The following OTC variants were observed in gnomAD, a reference collection of about 807,000 sequenced individuals.
OTC encodes ornithine transcarbamylase.
In OTC, 3 loss-of-function variants were observed where a neutral mutation model predicts 30.3. The ratio of observed to expected loss-of-function variants is 0.10; its 90% CI spans 0.05 to 0.26. The LOEUF (loss-of-function observed/expected upper bound fraction) is 0.26. Ranked by LOEUF, OTC falls within the 10% of genes least tolerant of loss-of-function variation. The probability of loss-of-function intolerance (pLI) is 1.00; values close to 1 mark genes in which losing one functional copy is unlikely to be tolerated. For missense variants in OTC, 194 were observed against 260.3 expected, an observed-to-expected ratio of 0.75 and a Z score of 1.75; for synonymous variants, 111 against 99.7, an observed-to-expected ratio of 1.11 and a Z score of -0.67.
chrX:38,372,561 C>T (rs1220485009), intron 3 of OTC, among the ~76,000 whole-genome samples: 1 of 111,831 alleles, frequency 8.9e-6, no homozygotes, highest in African/African-American at 3.3e-5. Flanking sequence ...GAAACCTGCC[C>T]CAAATCGTAA....
At chrX:38,328,255 T>G in the OTC span, among the ~76,000 whole-genome samples, 1 of 112,473 alleles carries the variant, frequency 8.9e-6, no homozygotes, top group African/African-American at 3.2e-5. Context: ...GTTGTGGACA[T>G]GGGCCCTAGA....
At chrX:38,341,471 G>A in the OTC span, among the ~76,000 whole-genome samples, 1 of 111,851 alleles carries the variant, frequency 8.9e-6, no homozygotes, top group South Asian at 3.7e-4. Flanking sequence ...GTGATTGGGG[G>A]AACCTACTTT....
At chrX:38,390,728 A>G (rs1425604741) in intron 4 of OTC, among the ~76,000 whole-genome samples, 2 of 112,123 alleles carry the variant, frequency 1.8e-5, no homozygotes, top group African/African-American at 6.5e-5. Context: ...TCCTTTTAAG[A>G]GCACCAGGAT....
At chrX:38,328,630 T>G in the OTC span, among the ~76,000 whole-genome samples, 1 of 111,848 alleles carries the variant, frequency 8.9e-6, no homozygotes. Flanking sequence ...TGGCAAGGTC[T>G]TGGGCCTATT....
chrX:38,328,599 C>T, the OTC span, among the ~76,000 whole-genome samples: 1 of 111,588 alleles, frequency 9.0e-6, no homozygotes, highest in South Asian at 3.7e-4. Context: ...CACCAAGAGG[C>T]GAGGCTGGTT....
In OTC at chrX:38,353,246, T is replaced by C. The variant is rs1213471457; in HGVS notation, c.77+473T>C. ...TGATGGGGATAACGACATTTTTAAA[T>C]AAAATACAAGTTTGAAAACCATCCC... is the stretch of plus-strand genomic sequence containing the variant. On this transcript the variant is annotated intron_variant, in intron 1 of 9. Coordinates refer to ENST00000039007, the MANE Select transcript of OTC (RefSeq NM_000531.6). Among the ~76,000 whole-genome samples, 8 of 112,389 alleles carry C rather than the reference T, an allele frequency of 7.1e-5. No homozygotes were observed. The Admixed American group carries it at 7.6e-4, about 11-fold the overall frequency.
intron 1 of OTC, among the ~76,000 whole-genome samples, chrX:38,356,444 G>A (rs1303856924): frequency 9.0e-6 from 1 of 111,699 alleles, no homozygotes; most frequent in Non-Finnish European, 1.9e-5. Context: ...ACTTTGAAGG[G>A]TGAGGGGGAG....
chrX:38,329,663 G>A, the OTC span, among the ~76,000 whole-genome samples: 14 of 111,786 alleles, frequency 1.3e-4, no homozygotes, highest in Middle Eastern at 4.7e-3. Flanking sequence ...ATTTGCATGG[G>A]AGTGTAACTT....
chrX:38,412,622 A>G (rs1361524549), intron 9 of OTC, among the ~76,000 whole-genome samples: 1 of 111,980 alleles, frequency 8.9e-6, no homozygotes. Context: ...AATATCCCAA[A>G]TGTCACCTGC....
At chrX:38,349,919 CA>C (rs936158423), upstream of OTC, among the ~76,000 whole-genome samples, 5 of 111,519 alleles carry the variant, frequency 4.5e-5, no homozygotes, top group Non-Finnish European at 7.5e-5. Flanking sequence ...TGTATTTTTC[CA>C]GTTATATATC....
chrX:38,373,436 A>G (rs1343006028), intron 3 of OTC, among the ~76,000 whole-genome samples: 2 of 112,759 alleles, frequency 1.8e-5, no homozygotes, highest in Non-Finnish European at 3.7e-5. Context: ...CAATTCTCCT[A>G]TGAGTCTACC....
At chrX:38,352,548 G>A (rs190186723), upstream of OTC, 9 of 495,229 alleles carry the variant, frequency 1.8e-5, no homozygotes, top group African/African-American at 1.6e-4. Flanking sequence ...TCTAACCAGG[G>A]GACTTTGATA....
At chrX:38,346,603 A>G in the OTC span, among the ~76,000 whole-genome samples, 1 of 112,568 alleles carries the variant, frequency 8.9e-6, no homozygotes, top group East Asian at 2.8e-4. Context: ...TAACGATACA[A>G]TGGAATACTA....
chrX:38,345,138 G>A, the OTC span, among the ~76,000 whole-genome samples: 1 of 111,584 alleles, frequency 9.0e-6, no homozygotes, highest in African/African-American at 3.3e-5. Context: ...GGAGGTCAAG[G>A]TTACAGTGAT....
At chrX:38,344,230 TATATATATATACACAC>T in the OTC span, among the ~76,000 whole-genome samples, 220 of 64,691 alleles carry the variant, frequency 3.4e-3, no homozygotes, top group South Asian at 9.5e-3. Flanking sequence ...CTTTTGGTGA[TATATATATATACACAC>T]ACACACACAC....
chrX:38,369,978 C>A lies in OTC; in HGVS notation c.298+101C>A. 5 of 525,463 alleles carry A rather than the reference C, an allele frequency of 9.5e-6. No individual in the cohort carries two copies. The Admixed American group carries it at 1.1e-4, about 11-fold the overall frequency. 43.3% of individuals were successfully genotyped at this position (525,463 alleles called of 1,213,427 possible). On this transcript the variant is annotated intron_variant, in intron 3 of 9. Transcript: ENST00000039007. ...GCGGGGATTTGTCTGCCTCTAGCAA[C>A]CACAAAGAAAAAATCATTTTTACTG...
intron 1 of OTC, among the ~76,000 whole-genome samples, chrX:38,364,881 C>T (rs1368973380): frequency 9.0e-6 from 1 of 111,571 alleles, no homozygotes; most frequent in East Asian, 2.8e-4. Context: ...ACTAACTAGA[C>T]CTCTGAAGGG....
intron 3 of OTC, among the ~76,000 whole-genome samples, chrX:38,377,547 A>G (rs73196224): frequency 0.17 from 19,452 of 111,552 alleles, 1,420 homozygotes; most frequent in Middle Eastern, 0.25. Flanking sequence ...ATACACTTTC[A>G]AAACATAGGA....
chrX:38,382,965 A>G (rs2068383110), intron 4 of OTC, among the ~76,000 whole-genome samples: 1 of 112,197 alleles, frequency 8.9e-6, no homozygotes, highest in South Asian at 3.7e-4. Context: ...ACAGCCAAGC[A>G]TGGGCTGAAA....
Sources: allele counts gnomAD v4.1 joint callset (sites outside exome capture counted in the v4.1 genomes callset), GRCh38; gene constraint gnomAD v4.1.1; transcripts MANE v1.5; gene names NCBI Gene and HGNC (gene_info 2026-07-23, HGNC 2026-07-21).